HS6ST3: variants seen among roughly 807,000 people sequenced by gnomAD.
HS6ST3 encodes heparan sulfate 6-O-sulfotransferase 3, also known as heparan-sulfate 6-O-sulfotransferase 3.
HS6ST3 carries 12 observed loss-of-function variants against 36.7 expected under a neutral mutation model. That is an observed-to-expected ratio of 0.33 (90% CI 0.21 to 0.53). The LOEUF (loss-of-function observed/expected upper bound fraction) is 0.53. HS6ST3 is among the 20% of genes least tolerant of loss of function. The pLI is 0.95. For missense variants in HS6ST3, 584 were observed against 640.9 expected, an observed-to-expected ratio of 0.91 and a Z score of 0.96; for synonymous variants, 240 against 257.5, an observed-to-expected ratio of 0.93 and a Z score of 0.65.
chr13:96,254,568 CT>C (rs1349691229), intron 1 of HS6ST3, among the ~76,000 whole-genome samples: 1 of 141,300 alleles, frequency 7.1e-6, no homozygotes, highest in Non-Finnish European at 1.5e-5. Flanking sequence ...TTATCAGTGC[CT>C]GGTGATCCAT....
intron 1 of HS6ST3, among the ~76,000 whole-genome samples, chr13:96,569,100 A>G (rs1200605678): frequency 6.6e-6 from 1 of 152,144 alleles, no homozygotes; most frequent in Non-Finnish European, 1.5e-5. Flanking sequence ...ACTAATTATG[A>G]TCTCATAGTG....
At chr13:96,306,680 T>C (rs2054915606) in intron 1 of HS6ST3, among the ~76,000 whole-genome samples, 1 of 152,308 alleles carries the variant, frequency 6.6e-6, no homozygotes, top group Non-Finnish European at 1.5e-5. Context: ...TCAGTTGCTG[T>C]GCTTGTCCTG....
At chr13:96,458,656 A>T (rs1453304779) in intron 1 of HS6ST3, among the ~76,000 whole-genome samples, 1 of 152,092 alleles carries the variant, frequency 6.6e-6, no homozygotes, top group Admixed American at 6.6e-5. Flanking sequence ...AAAAAAAAGA[A>T]TGGTCTTTGA....
At chr13:96,592,541 C>T (rs1360691331) in intron 1 of HS6ST3, among the ~76,000 whole-genome samples, 1 of 152,104 alleles carries the variant, frequency 6.6e-6, no homozygotes. Flanking sequence ...TCTTTTGGCT[C>T]ATTAACATCC....
At chr13:96,334,998 A>T (rs1012800912) in intron 1 of HS6ST3, among the ~76,000 whole-genome samples, 8 of 152,216 alleles carry the variant, frequency 5.3e-5, no homozygotes, top group African/African-American at 1.9e-4. Flanking sequence ...TGTTCAGAGA[A>T]CTTAATGAGC....
chr13:96,546,051 A>G (rs1594803972), intron 1 of HS6ST3, among the ~76,000 whole-genome samples: 1 of 152,204 alleles, frequency 6.6e-6, no homozygotes, highest in Non-Finnish European at 1.5e-5. Context: ...GAATGGCCTT[A>G]CAGTATGGTC....
At chr13:96,639,465 A>T (rs2056562390) in intron 1 of HS6ST3, among the ~76,000 whole-genome samples, 1 of 151,968 alleles carries the variant, frequency 6.6e-6, no homozygotes, top group South Asian at 2.1e-4. Flanking sequence ...TTATATTTTT[A>T]AATCCATTCT....
intron 1 of HS6ST3, among the ~76,000 whole-genome samples, chr13:96,277,375 C>T (rs2054753427): frequency 6.6e-6 from 1 of 152,144 alleles, no homozygotes; most frequent in Non-Finnish European, 1.5e-5. Flanking sequence ...GTATTTCTCA[C>T]CACTTCTATT....
intron 1 of HS6ST3, among the ~76,000 whole-genome samples, chr13:96,801,831 A>G (rs946575353): frequency 6.6e-6 from 1 of 152,106 alleles, no homozygotes; most frequent in Non-Finnish European, 1.5e-5. Flanking sequence ...TCTTGGCAGG[A>G]AACAACAGAG....
Position 96,190,260 on chromosome 13 carries a change from G to A in HS6ST3, c.707+98691G>A, listed in dbSNP as rs531092303. ...CTGTTCTAGGTGCCAGCTCCTTTGC[G>A]TTCTTATTGGGTCTCTGCCTGGGCA... is the stretch of plus-strand genomic sequence containing the variant. On this transcript the variant is annotated intron_variant, in intron 1 of 1. Coordinates refer to ENST00000376705, the MANE Select transcript of HS6ST3 (RefSeq NM_153456.4). Among the ~76,000 whole-genome samples the A allele has an allele frequency of 2.1e-4, 32 of 152,210 alleles. No homozygotes were observed. The South Asian group carries it at 6.4e-3, about 31-fold the overall frequency.
At chr13:96,142,642 C>T (rs1209715145) in intron 1 of HS6ST3, among the ~76,000 whole-genome samples, 3 of 152,016 alleles carry the variant, frequency 2.0e-5, no homozygotes, top group Non-Finnish European at 4.4e-5. Context: ...TGAACTGTGG[C>T]TATGGGTAGT....
intron 1 of HS6ST3, among the ~76,000 whole-genome samples, chr13:96,697,735 T>C (rs920436056): frequency 1.3e-5 from 2 of 152,172 alleles, no homozygotes; most frequent in Admixed American, 1.3e-4. Flanking sequence ...TTCGATAAGA[T>C]ATTAGTAAAA....
intron 1 of HS6ST3, among the ~76,000 whole-genome samples, chr13:96,634,887 C>CTTGTTGG (rs3051154): frequency 6.6e-6 from 1 of 151,876 alleles, no homozygotes. Context: ...AAGTTTGAGT[C>CTTGTTGG]ATTAGGTTTA....
At chr13:96,244,665 C>G (rs2054576606) in intron 1 of HS6ST3, among the ~76,000 whole-genome samples, 1 of 152,150 alleles carries the variant, frequency 6.6e-6, no homozygotes, top group Admixed American at 6.5e-5. Context: ...AGGTAATTCA[C>G]AGACGTGAAG....
chr13:96,489,009 GA>G (rs2055931195), intron 1 of HS6ST3, among the ~76,000 whole-genome samples: 1 of 152,026 alleles, frequency 6.6e-6, no homozygotes, highest in African/African-American at 2.4e-5. Flanking sequence ...TTTGTTTACT[GA>G]AGAGGAAGAT....
intron 1 of HS6ST3, among the ~76,000 whole-genome samples, chr13:96,659,058 T>A (rs1339443692): frequency 3.3e-5 from 5 of 152,200 alleles, no homozygotes; most frequent in Non-Finnish European, 5.9e-5. Context: ...GATTGCTGTA[T>A]CATGGAGGAA....
intron 1 of HS6ST3, among the ~76,000 whole-genome samples, chr13:96,750,253 A>G (rs933924525): frequency 6.6e-6 from 1 of 152,224 alleles, no homozygotes; most frequent in Admixed American, 6.5e-5. Flanking sequence ...AGGAAAAACT[A>G]CTATCCTTTG....
intron 1 of HS6ST3, among the ~76,000 whole-genome samples, chr13:96,426,863 G>A (rs896823183): frequency 6.6e-6 from 1 of 152,114 alleles, no homozygotes; most frequent in African/African-American, 2.4e-5. Flanking sequence ...CTGAATAAAT[G>A]ATAAATATGA....
intron 1 of HS6ST3, among the ~76,000 whole-genome samples, chr13:96,694,800 CT>C (rs1335606600): frequency 6.6e-6 from 1 of 151,948 alleles, no homozygotes; most frequent in African/African-American, 2.4e-5. Flanking sequence ...TGATGTTGAG[CT>C]TTTTTTCATA....
Sources: gnomAD v4.1 joint callset for allele counts (sites outside exome capture counted in the v4.1 genomes callset) on GRCh38, gnomAD v4.1.1 for gene constraint, MANE v1.5 for transcripts, NCBI Gene and HGNC (gene_info 2026-07-23, HGNC 2026-07-21) for gene names.